Variants in HCN1 observed in about 807,000 individuals in gnomAD.
The protein encoded by HCN1 is potassium/sodium hyperpolarization-activated cyclic nucleotide-gated channel 1.
HCN1 carries 13 observed loss-of-function variants against 78.9 expected under a neutral mutation model. The observed-to-expected ratio is 0.16, with a 90% CI of 0.11 to 0.26. The LOEUF is 0.26. HCN1 is among the 10% of genes least tolerant of loss of function. The pLI, the probability that HCN1 is intolerant of heterozygous loss-of-function variation, is 1.00. For missense variants in HCN1, 810 were observed against 1,154.3 expected (o/e 0.70, Z 4.32); for synonymous variants, 552 against 455.5 (o/e 1.21, Z -2.70).
At chr5:45,474,710 G>C (rs911987783) in intron 2 of HCN1, among the ~76,000 whole-genome samples, 2 of 151,644 alleles carry the variant, frequency 1.3e-5, no homozygotes, top group African/African-American at 4.8e-5. Flanking sequence ...TTTTCTTTTG[G>C]TAATTTTACT....
At chr5:45,549,081 T>G (rs561662052) in intron 2 of HCN1, among the ~76,000 whole-genome samples, 2 of 151,792 alleles carry the variant, frequency 1.3e-5, no homozygotes, top group African/African-American at 4.8e-5. Flanking sequence ...CCAAGGTAAT[T>G]TATAGATTCA....
intron 6 of HCN1, among the ~76,000 whole-genome samples, chr5:45,290,474 C>A (rs1421773184): frequency 6.6e-6 from 1 of 151,934 alleles, no homozygotes; most frequent in Non-Finnish European, 1.5e-5. Flanking sequence ...ATTACTGAAA[C>A]ACTAAGTCTA....
chr5:45,374,266 T>C (rs950296223), intron 4 of HCN1, among the ~76,000 whole-genome samples: 3 of 113,306 alleles, frequency 2.6e-5, no homozygotes, highest in East Asian at 2.4e-4. Context: ...ATACATAACA[T>C]ATATATTATA....
intron 6 of HCN1, among the ~76,000 whole-genome samples, chr5:45,278,349 G>T (rs552835339): frequency 7.9e-5 from 12 of 152,044 alleles, no homozygotes; most frequent in Admixed American, 7.9e-4. Context: ...TCAGTAATTT[G>T]AAGTATTCAT....
At chr5:45,695,615 C>T in intron 1 of HCN1, 54 bp downstream of exon 1, 5 of 1,567,440 alleles carry the variant, frequency 3.2e-6, no homozygotes, top group East Asian at 2.3e-5. Context: ...GGCGGGGAAG[C>T]GCGTTTCAGG....
At chr5:45,554,149 T>G (rs1300247882) in intron 2 of HCN1, among the ~76,000 whole-genome samples, 1 of 151,912 alleles carries the variant, frequency 6.6e-6, no homozygotes, top group Non-Finnish European at 1.5e-5. Flanking sequence ...TTCTAAATTT[T>G]GAATGAGTCA....
intron 2 of HCN1, among the ~76,000 whole-genome samples, chr5:45,493,339 T>G (rs978985468): frequency 1.3e-5 from 2 of 151,980 alleles, no homozygotes; most frequent in Non-Finnish European, 2.9e-5. Context: ...AAAACTTATC[T>G]TATACTCTAA....
intron 1 of HCN1, among the ~76,000 whole-genome samples, chr5:45,647,080 A>G (rs1745563648): frequency 6.6e-6 from 1 of 152,154 alleles, no homozygotes; most frequent in Non-Finnish European, 1.5e-5. Context: ...AAAAAACTAT[A>G]ATAGGCCCTA....
intron 2 of HCN1, among the ~76,000 whole-genome samples, chr5:45,552,696 C>T (rs1057297414): frequency 1.3e-5 from 2 of 151,928 alleles, no homozygotes; most frequent in Non-Finnish European, 2.9e-5. Flanking sequence ...ATATTTTACT[C>T]ATCCACTCAA....
At chr5:45,364,117 G>A (rs148685261) in intron 4 of HCN1, among the ~76,000 whole-genome samples, 1 of 152,134 alleles carries the variant, frequency 6.6e-6, no homozygotes, top group Non-Finnish European at 1.5e-5. Flanking sequence ...ATATGGTTCT[G>A]GCTTTCGTGT....
intron 2 of HCN1, among the ~76,000 whole-genome samples, chr5:45,511,124 C>T (rs1021938383): frequency 1.3e-5 from 2 of 151,962 alleles, no homozygotes; most frequent in African/African-American, 2.4e-5. Flanking sequence ...TTTCTAATGC[C>T]ATTCTCCATG....
At chr5:45,270,337 A>G (rs1744936998) in intron 6 of HCN1, among the ~76,000 whole-genome samples, 1 of 152,218 alleles carries the variant, frequency 6.6e-6, no homozygotes, top group South Asian at 2.1e-4. Context: ...GCAAGAAAGG[A>G]TTTAAAACGG....
At chr5:45,322,571 G>C (rs1223931612) in intron 5 of HCN1, among the ~76,000 whole-genome samples, 4 of 151,772 alleles carry the variant, frequency 2.6e-5, no homozygotes, top group African/African-American at 4.8e-5. Flanking sequence ...CTGAACATGA[G>C]ATTCATTTAT....
At chr5:45,585,285 C>A (rs1057198679) in intron 2 of HCN1, among the ~76,000 whole-genome samples, 1 of 152,128 alleles carries the variant, frequency 6.6e-6, no homozygotes, top group Admixed American at 6.6e-5. Flanking sequence ...ATTTGATCTT[C>A]CATCACTGAT....
intron 5 of HCN1, among the ~76,000 whole-genome samples, chr5:45,330,064 T>C (rs1259799023): frequency 6.6e-6 from 1 of 151,440 alleles, no homozygotes; most frequent in Non-Finnish European, 1.5e-5. Flanking sequence ...AGTGTGTCCA[T>C]GTGCCCCTTA....
At chr5:45,695,532 A>G in intron 1 of HCN1, 137 bp downstream of exon 1, 1 of 806,872 alleles carries the variant, frequency 1.2e-6, no homozygotes, top group East Asian at 2.7e-5. Flanking sequence ...GAGCCTGCTT[A>G]GCCCGAGCCG....
At chr5:45,321,230 T>A (rs1450551320) in intron 5 of HCN1, among the ~76,000 whole-genome samples, 1 of 151,894 alleles carries the variant, frequency 6.6e-6, no homozygotes, top group Non-Finnish European at 1.5e-5. Flanking sequence ...AGAAAGAGGA[T>A]GGGAACCTGA....
intron 4 of HCN1, among the ~76,000 whole-genome samples, chr5:45,381,937 C>G (rs916900016): frequency 1.3e-5 from 2 of 152,196 alleles, no homozygotes; most frequent in Non-Finnish European, 2.9e-5. Flanking sequence ...GAGATGCCTC[C>G]TGATCTGGCC....
At chr5:45,374,351 T>C (rs1020703516) in intron 4 of HCN1, among the ~76,000 whole-genome samples, 1 of 141,762 alleles carries the variant, frequency 7.1e-6, no homozygotes, top group Non-Finnish European at 1.5e-5. Context: ...ATATATAATA[T>C]ACATATCCCT....
Sources: gnomAD v4.1 joint callset for allele counts (sites outside exome capture counted in the v4.1 genomes callset) on GRCh38, gnomAD v4.1.1 for gene constraint, MANE v1.5 for transcripts, NCBI Gene and HGNC (gene_info 2026-07-23, HGNC 2026-07-21) for gene names.